Variants in SV2B observed in about 807,000 individuals in gnomAD.
SV2B encodes solute carrier family 22 member B2.
Under a neutral mutation model 73.9 loss-of-function variants are expected in SV2B, and 41 were observed. The ratio of observed to expected loss-of-function variants is 0.56; its 90% CI spans 0.43 to 0.72. The LOEUF is 0.72. Ranked by LOEUF, SV2B falls within the 30% of genes least tolerant of loss-of-function variation. The probability of loss-of-function intolerance (pLI) is 0.00; values close to 1 mark genes in which losing one functional copy is unlikely to be tolerated. For synonymous variants in SV2B, 314 were observed against 314.2 expected (o/e 1.00, Z 0.01); for missense variants, 764 against 857.8 (o/e 0.89, Z 1.37).
rs1165072474 is a variant in SV2B, at chr15:91,227,270, T to C, written c.451+556T>C. On this transcript the variant is annotated intron_variant, in intron 2 of 12. Transcript: ENST00000394232. The surrounding 1 kb of genome is among the most constrained non-coding windows in gnomAD (Gnocchi z 4.5). ...CACCCGTGGAGTCCCTGCAGGCTGT[T>C]GGGAACCATGCTGTGAAGCACAGAT... 6.6e-6 allele frequency among the ~76,000 whole-genome samples: 1 copy of C among 152,192 alleles called. No homozygotes were observed. The highest frequency in any genetic ancestry group is 2.4e-5 in the African/African-American group (1 of 41,434).
intron 1 of SV2B, among the ~76,000 whole-genome samples, chr15:91,104,799 A>T (rs892242256): frequency 6.6e-6 from 1 of 152,100 alleles, no homozygotes; most frequent in East Asian, 1.9e-4. Context: ...TGCCCGGCTA[A>T]TTTTGTATTT....
At chr15:91,246,694 C>T (rs1264291751) in intron 2 of SV2B, among the ~76,000 whole-genome samples, 1 of 151,258 alleles carries the variant, frequency 6.6e-6, no homozygotes, top group African/African-American at 2.5e-5. Context: ...TCCACTCCAC[C>T]ACATCGCTCC....
intron 1 of SV2B, among the ~76,000 whole-genome samples, chr15:91,162,432 C>G (rs1488364821): frequency 6.6e-6 from 1 of 152,156 alleles, no homozygotes; most frequent in African/African-American, 2.4e-5. Context: ...AGTAGGAACA[C>G]TTATTTTCAT....
Position 91,283,373 on chromosome 15 carries a change from G to A in SV2B, c.1508-648G>A, listed in dbSNP as rs554306454. Among the ~76,000 whole-genome samples the A allele has an allele frequency of 2.6e-5, 4 of 152,274 alleles. No homozygotes were observed. Among genetic ancestry groups the A allele is most frequent in the Middle Eastern group, 3.4e-3 (1 of 294 alleles). ...GCCTCCAAGGAGAGGCCTAGCTGCCGTGGCCCTCAGTGTCTCAGTGTCACC... is the reference window on the plus strand; with the variant it reads ...GCCTCCAAGGAGAGGCCTAGCTGCCATGGCCCTCAGTGTCTCAGTGTCACC... On this transcript the variant is annotated intron_variant, in intron 10 of 12. Coordinates refer to ENST00000394232, the MANE Select transcript of SV2B (RefSeq NM_001323032.3). This position sits in a 1 kb window ranked among gnomAD's most constrained non-coding sequence, Gnocchi z 4.3.
rs112938856 is a variant in SV2B, at chr15:91,205,461, G to A, written c.-391-20412G>A. ...GTACACTGCAGCCTCTGCCTCCTGA[G>A]TTCAAGTGATTTTCCTGCCTCAGCC... On this transcript the variant is annotated intron_variant, in intron 1 of 12. Transcript: ENST00000394232. Among the ~76,000 whole-genome samples, 788 of 151,934 alleles carry A rather than the reference G, an allele frequency of 5.2e-3. 4 individuals are homozygous for A. The highest frequency in any genetic ancestry group is 0.018 in the African/African-American group (736 of 41,402).
chr15:91,162,214 G>A lies in SV2B; in HGVS notation c.-392+61851G>A, dbSNP rs2043746401. Among the ~76,000 whole-genome samples the A allele has an allele frequency of 3.3e-5, 5 of 152,094 alleles. No homozygotes were observed. The South Asian group carries it at 1.0e-3, about 32-fold the overall frequency. On this transcript the variant is annotated intron_variant, in intron 1 of 12. Transcript: ENST00000394232. ...AGCTATTAAAAAGAAAAATGTGTAT[G>A]TCTTTAGTAAAATAATCCCTCTTCT...
At position 91,229,177 on chromosome 15, in the gene SV2B, C is replaced by T. The variant is rs1448692835; in HGVS notation, c.451+2463C>T. ...ACTTGGAACACCAGACTGCTTCCAA[C>T]AGAAAGGGAACATGGTATGCTGATA... On this transcript the variant is annotated intron_variant, in intron 2 of 12. Coordinates refer to ENST00000394232, the MANE Select transcript of SV2B (RefSeq NM_001323032.3). The surrounding 1 kb of genome is among the most constrained non-coding windows in gnomAD (Gnocchi z 4.3). 1.3e-5 allele frequency among the ~76,000 whole-genome samples: 2 copies of T among 152,288 alleles called. No individual in the cohort carries two copies. The highest frequency in any genetic ancestry group is 3.9e-4 in the East Asian group (2 of 5,176).
At chr15:91,166,355 A>G (rs1390981828) in intron 1 of SV2B, among the ~76,000 whole-genome samples, 1 of 151,970 alleles carries the variant, frequency 6.6e-6, no homozygotes, top group Admixed American at 6.6e-5. Context: ...GTTAATTTAA[A>G]AATATTTTAA....
At chr15:91,169,324 T>G (rs1337950729) in intron 1 of SV2B, among the ~76,000 whole-genome samples, 2 of 152,170 alleles carry the variant, frequency 1.3e-5, no homozygotes, top group Non-Finnish European at 2.9e-5. Context: ...TAGGTCTATT[T>G]CACTCTCCTG....
chr15:91,108,241 A>G (rs1331534360), intron 1 of SV2B, among the ~76,000 whole-genome samples: 2 of 152,226 alleles, frequency 1.3e-5, no homozygotes, highest in African/African-American at 2.4e-5. Flanking sequence ...CAAAGGGACA[A>G]TAATAAAATG....
At position 91,121,938 on chromosome 15, in the gene SV2B, C is replaced by A. The variant is rs919338756; in HGVS notation, c.-392+21575C>A. 3.9e-5 allele frequency among the ~76,000 whole-genome samples: 6 copies of A among 152,100 alleles called. No individual in the cohort carries two copies. Among genetic ancestry groups the A allele is most frequent in the Admixed American group, 2.0e-4 (3 of 15,266 alleles). On this transcript the variant is annotated intron_variant, in intron 1 of 12. Transcript: ENST00000394232. The surrounding 1 kb of genome is among the most constrained non-coding windows in gnomAD (Gnocchi z 4.4). ...TACAGGTGCCTGCCACCACCCCCAGCTAATTTTTTGTATTTTTAGTAGAGA... is the reference window on the plus strand; with the variant it reads ...TACAGGTGCCTGCCACCACCCCCAGATAATTTTTTGTATTTTTAGTAGAGA...
At chr15:91,273,628 C>T (rs986947337) in intron 9 of SV2B, among the ~76,000 whole-genome samples, 1 of 152,336 alleles carries the variant, frequency 6.6e-6, no homozygotes, top group African/African-American at 2.4e-5. Flanking sequence ...CTGCAAGTAA[C>T]TAGTTCTTTG....
At position 91,258,696 on chromosome 15, in the gene SV2B, A is replaced by G. The variant is rs1158408173; in HGVS notation, c.918+142A>G. ...CTCCCCTGGTCGGCTGACCTCACTC[A>G]TCATTGAATCTGGCACCTGCCGGCT... On this transcript the variant is annotated intron_variant, in intron 5 of 12. Transcript: ENST00000394232. This position sits in a 1 kb window ranked among gnomAD's most constrained non-coding sequence, Gnocchi z 4.7. 7 of 1,220,798 alleles carry G rather than the reference A, an allele frequency of 5.7e-6. No homozygotes were observed. The Admixed American group carries it at 1.1e-4, about 19-fold the overall frequency. The allele number at this position is 1,220,798 out of a possible 1,614,324, so 75.6% of individuals were successfully genotyped here.
chr15:91,260,505 C>T (rs2047871378), intron 6 of SV2B, 96 bp downstream of exon 6: 3 of 910,052 alleles, frequency 3.3e-6, no homozygotes, highest in Non-Finnish European at 4.9e-6. Context: ...GGAAATTTGT[C>T]AAAAGGAGAA....
intron 9 of SV2B, among the ~76,000 whole-genome samples, chr15:91,279,575 C>A (rs143199267): frequency 5.9e-5 from 9 of 152,296 alleles, no homozygotes; most frequent in African/African-American, 1.9e-4. Flanking sequence ...GCCCTTTCTC[C>A]TTTTATCTCT....
Position 91,106,519 on chromosome 15 carries a change from T to G in SV2B, c.-392+6156T>G, listed in dbSNP as rs1273940145. 1.3e-5 allele frequency among the ~76,000 whole-genome samples: 2 copies of G among 152,168 alleles called. No individual in the cohort carries two copies. The highest frequency in any genetic ancestry group is 1.5e-5 in the Non-Finnish European group (1 of 68,028). Reference sequence around the variant, plus strand: ...AACTCCTTGAAGTTATTTCCTTTCTTTACAAGGTCTCATGGGAGCCTTATT... The same window carrying G: ...AACTCCTTGAAGTTATTTCCTTTCTGTACAAGGTCTCATGGGAGCCTTATT... On this transcript the variant is annotated intron_variant, in intron 1 of 12. Coordinates refer to ENST00000394232, the MANE Select transcript of SV2B (RefSeq NM_001323032.3). This position sits in a 1 kb window ranked among gnomAD's most constrained non-coding sequence, Gnocchi z 4.4.
At chr15:91,133,134 T>C (rs1281453056) in intron 1 of SV2B, among the ~76,000 whole-genome samples, 1 of 152,158 alleles carries the variant, frequency 6.6e-6, no homozygotes, top group Non-Finnish European at 1.5e-5. Context: ...CAGCAAAGAA[T>C]AAGCAGTGCA....
chr15:91,269,017 C>T (rs552480428), intron 9 of SV2B, among the ~76,000 whole-genome samples: 1 of 151,930 alleles, frequency 6.6e-6, no homozygotes, highest in African/African-American at 2.4e-5. Context: ...CATGCCAGGA[C>T]AAATAAAGCC....
At chr15:91,203,873 C>G (rs997892748) in intron 1 of SV2B, among the ~76,000 whole-genome samples, 1 of 152,198 alleles carries the variant, frequency 6.6e-6, no homozygotes, top group Admixed American at 6.5e-5. Context: ...TCTCTCTCTG[C>G]ACAGCCTTTA....
Sources: gnomAD v4.1 joint callset for allele counts (sites outside exome capture counted in the v4.1 genomes callset) on GRCh38, gnomAD v4.1.1 for gene constraint, Gnocchi (gnomAD v3.1) non-coding constraint, MANE v1.5 for transcripts, NCBI Gene and HGNC (gene_info 2026-07-23, HGNC 2026-07-21) for gene names.